MCM2: variants seen among roughly 807,000 people sequenced by gnomAD.
MCM2 encodes the protein minichromosome maintenance complex component 2.
In MCM2, 49 loss-of-function variants were observed where a neutral mutation model predicts 86.4. The observed-to-expected ratio is 0.57, with a 90% CI of 0.45 to 0.72. The LOEUF (loss-of-function observed/expected upper bound fraction) is 0.72, where lower values mean the gene tolerates loss of function less well. Among genes scored for constraint, MCM2 ranks in the 30% least tolerant of loss-of-function variants. The pLI is 0.00. For synonymous variants in MCM2, 475 were observed against 484.6 expected, an observed-to-expected ratio of 0.98 and a Z score of 0.26; for missense variants, 1,038 against 1,259.9, an observed-to-expected ratio of 0.82 and a Z score of 2.67.
Position 127,606,062 on chromosome 3 carries a change from A to G in MCM2, c.674-56A>G. 2 of 1,395,356 alleles carry G rather than the reference A, an allele frequency of 1.4e-6. No individual in the cohort carries two copies. Among genetic ancestry groups the G allele is most frequent in the Non-Finnish European group, 2.0e-6 (2 of 985,178 alleles). 86.4% of individuals were successfully genotyped at this position (1,395,356 alleles called of 1,614,324 possible). A position where few individuals can be genotyped will look rare whatever the true frequency, so the allele number is the denominator to read the frequency against. ...TTGCTTCTCACACAGGCATTGTTGC[A>G]GCCCAGCCCAGGCCTCATGCTTAGT... is the stretch of plus-strand genomic sequence containing the variant. On this transcript the variant is annotated intron_variant, in intron 4 of 15. Coordinates refer to ENST00000265056, the MANE Select transcript of MCM2 (RefSeq NM_004526.4). The surrounding 1 kb of genome is among the most constrained non-coding windows in gnomAD (Gnocchi z 4.2).
At position 127,617,442 on chromosome 3, in the gene MCM2, G is replaced by T. The variant is rs768228513; in HGVS notation, c.1900+37G>T. ...ACCCTGACTGCTGGGGCTGGGGTGG[G>T]ACACAGGGAGGTCCCGCCTGCTTGA... On this transcript the variant is annotated intron_variant, in intron 11 of 15. Transcript: ENST00000265056. This position sits in a 1 kb window ranked among gnomAD's most constrained non-coding sequence, Gnocchi z 4.1. 6.3e-7 allele frequency: 1 copy of T among 1,597,972 alleles called. No individual in the cohort carries two copies. Among genetic ancestry groups the T allele is most frequent in the Non-Finnish European group, 8.5e-7 (1 of 1,172,878 alleles).
At chr3:127,603,700 C>G (rs559779233) in intron 2 of MCM2, among the ~76,000 whole-genome samples, 4 of 148,700 alleles carry the variant, frequency 2.7e-5, no homozygotes, top group African/African-American at 2.5e-5. Context: ...CACTCTGTTG[C>G]GACCAGGCTG....
chr3:127,599,141 C>T, intron 1 of MCM2, 177 bp from the exon 2 acceptor site: 1 of 655,322 alleles, frequency 1.5e-6, no homozygotes, highest in South Asian at 1.8e-5. Flanking sequence ...CAGCTGAGAG[C>T]ATTCCAGGTG....
At chr3:127,604,476 G>C in intron 2 of MCM2, 132 bp from the exon 3 acceptor site, 1 of 829,434 alleles carries the variant, frequency 1.2e-6, no homozygotes, top group East Asian at 2.4e-5. Context: ...CTGTGTTTCT[G>C]ACCTGGAAGC....
intron 1 of MCM2, 55 bp downstream of exon 1, chr3:127,598,527 C>A (rs1283939838): frequency 1.3e-6 from 2 of 1,597,472 alleles, no homozygotes; most frequent in Admixed American, 1.7e-5. Context: ...GCGGAGGCTG[C>A]GCGCTTCCCG....
At chr3:127,604,568 C>T in intron 2 of MCM2, 40 bp from the exon 3 acceptor site, 1 of 1,596,350 alleles carries the variant, frequency 6.3e-7, no homozygotes, top group South Asian at 1.1e-5. Context: ...TAGGGTTTTC[C>T]TTTTTGGCAG....
At chr3:127,601,900 G>A (rs2074308749) in intron 2 of MCM2, among the ~76,000 whole-genome samples, 1 of 152,146 alleles carries the variant, frequency 6.6e-6, no homozygotes, top group Non-Finnish European at 1.5e-5. Flanking sequence ...CATTCCTGAT[G>A]GCTAATGATG....
At position 127,615,856 on chromosome 3, in the gene MCM2, T is replaced by C. The variant is rs770121243; in HGVS notation, c.1429-6T>C. The stretch of plus-strand genomic sequence containing the variant: ...CCATTCTTGTCGGTCTCCCTCCCTT[T>C]CTCAGATCTTTGCCAGCATTGCTCC... On this transcript the variant is annotated splice_polypyrimidine_tract_variant and splice_region_variant and intron_variant, in intron 8 of 15. Transcript: ENST00000265056. The C allele has an allele frequency of 6.2e-7, 1 of 1,608,880 alleles. No individual in the cohort carries two copies. The highest frequency in any genetic ancestry group is 8.5e-7 in the Non-Finnish European group (1 of 1,175,306).
Position 127,620,681 on chromosome 3 carries a change from A to C in MCM2, c.2266-17A>C. On this transcript the variant is annotated splice_polypyrimidine_tract_variant and intron_variant, in intron 13 of 15. Transcript: ENST00000265056. ...CTTTCCTGCCCGTGAAAGACCTGAC[A>C]CTGTGCTTCTCTCCAGGCGACAGGC... is the stretch of plus-strand genomic sequence containing the variant. 6.4e-7 allele frequency: 1 copy of C among 1,571,716 alleles called. No homozygotes were observed. The highest frequency in any genetic ancestry group is 8.7e-7 in the Non-Finnish European group (1 of 1,153,576).
At chr3:127,610,544 C>T (rs901932930) in intron 8 of MCM2, among the ~76,000 whole-genome samples, 1 of 152,206 alleles carries the variant, frequency 6.6e-6, no homozygotes, top group Non-Finnish European at 1.5e-5. Context: ...TCACATTTAC[C>T]CATGTCTGCC....
chr3:127,613,289 T>C (rs2074412295), intron 8 of MCM2, among the ~76,000 whole-genome samples: 1 of 152,174 alleles, frequency 6.6e-6, no homozygotes, highest in Admixed American at 6.5e-5. Flanking sequence ...GAGTCAAGGA[T>C]TGGCAGTCTT....
intron 8 of MCM2, among the ~76,000 whole-genome samples, chr3:127,609,747 C>T (rs1360896821): frequency 1.3e-5 from 2 of 151,930 alleles, no homozygotes; most frequent in Admixed American, 6.5e-5. Flanking sequence ...TCCCACATTA[C>T]CTCCATCCTG....
chr3:127,605,440 T>TC lies in MCM2; in HGVS notation c.673+284_673+285insC, dbSNP rs1421213126. On this transcript the variant is annotated intron_variant, in intron 4 of 15. Coordinates refer to ENST00000265056, the MANE Select transcript of MCM2 (RefSeq NM_004526.4). ...TTTGTAATAGGAATTGACTCTTTTT[T>TC]TTTTTTTTTTTTTTTTTGAGACGGA... Among the ~76,000 whole-genome samples, 1,050 of 149,516 alleles carry TC rather than the reference T, an allele frequency of 7.0e-3. 12 individuals are homozygous for TC. Among genetic ancestry groups the TC allele is most frequent in the African/African-American group, 0.023 (922 of 40,520 alleles).
rs1334814670 is a variant in MCM2, at chr3:127,608,519, A to G, written c.1236+3A>G. Reference sequence around the variant, plus strand: ...GCTGCAAGCCAGGAGACGAGATAGTAAGTGGCCGGGGCAGGCTGGGAGGGA... The same window carrying G: ...GCTGCAAGCCAGGAGACGAGATAGTGAGTGGCCGGGGCAGGCTGGGAGGGA... On this transcript the variant is annotated splice_donor_region_variant and intron_variant, in intron 7 of 15. Transcript: ENST00000265056. 2 of 1,614,112 alleles carry G rather than the reference A, an allele frequency of 1.2e-6. No individual in the cohort carries two copies. Among genetic ancestry groups the G allele is most frequent in the Non-Finnish European group, 1.7e-6 (2 of 1,180,008 alleles).
Position 127,621,693 on chromosome 3 carries a change from G to A in MCM2, c.2635G>A (p.Ala879Thr), listed in dbSNP as rs1576422039. Reference protein sequence around the residue: ...ARQINIHNLSAFYDSELFRMN... With the variant: ...ARQINIHNLSTFYDSELFRMN... ...TCAGATCAACATCCACAACCTCTCT[G>A]CATTTTATGACAGTGAGCTCTTCAG... The change falls in exon 16 of 16, where the codon GCA (alanine) becomes ACA (threonine). Residue 879 changes from alanine to threonine, a missense_variant. This residue lies in a region of MCM2 where 336 missense variants were observed against 425.7 expected (regional missense o/e 0.79). Transcript: ENST00000265056. The A allele has an allele frequency of 1.9e-6, 3 of 1,614,030 alleles. No individual in the cohort carries two copies. The South Asian group carries it at 3.3e-5, about 18-fold the overall frequency.
chr3:127,620,870 G>A lies in MCM2; in HGVS notation c.2438G>A (p.Ser813Asn), dbSNP rs1172797486. 5.0e-6 allele frequency: 8 copies of A among 1,606,424 alleles called. No homozygotes were observed. Among genetic ancestry groups the A allele is most frequent in the Non-Finnish European group, 6.8e-6 (8 of 1,174,962 alleles). The change falls in exon 14 of 16, where the codon AGC (serine) becomes AAC (asparagine). Residue 813 changes from serine (S) to asparagine (N), a missense_variant. Physicochemically the swap from Ser to Asn is conservative, Grantham distance 46. Transcript: ENST00000265056. Reference protein sequence around the residue: ...IDTQKFSVMRSMRKTFARYLS... With the variant: ...IDTQKFSVMRNMRKTFARYLS... ...ACACAGAAGTTCAGCGTCATGCGCAGCATGCGCAAGGTGGGTGTGCTCCGA... is the reference window on the plus strand; with the variant it reads ...ACACAGAAGTTCAGCGTCATGCGCAACATGCGCAAGGTGGGTGTGCTCCGA...
In MCM2 at chr3:127,616,859, C is replaced by T; in HGVS notation, c.1523-9C>T. 6.2e-7 allele frequency: 1 copy of T among 1,607,812 alleles called. No homozygotes were observed. The highest frequency in any genetic ancestry group is 8.5e-7 in the Non-Finnish European group (1 of 1,174,950). On this transcript the variant is annotated splice_polypyrimidine_tract_variant and intron_variant, in intron 9 of 15. Coordinates refer to ENST00000265056, the MANE Select transcript of MCM2 (RefSeq NM_004526.4). ...CTCCCCCTCCCCCGCTTCTACTCAT[C>T]CCCTCCAGGTGGCAAGCACAAGGTA...
intron 8 of MCM2, among the ~76,000 whole-genome samples, chr3:127,609,837 C>CTTTTTTTTT (rs10716532): frequency 1.4e-5 from 1 of 69,086 alleles, no homozygotes; most frequent in African/African-American, 5.4e-5. Flanking sequence ...AGTCAACTTC[C>CTTTTTTTTT]TTTTTTTTTT....
intron 4 of MCM2, among the ~76,000 whole-genome samples, chr3:127,605,837 A>T (rs111578721): frequency 6.6e-6 from 1 of 152,220 alleles, no homozygotes; most frequent in African/African-American, 2.4e-5. Context: ...TGGCTCTTGT[A>T]AGGCGTTTCA....
Sources: gnomAD v4.1 joint callset for allele counts (sites outside exome capture counted in the v4.1 genomes callset) on GRCh38, gnomAD v4.1.1 for gene constraint, gnomAD v4.1.1 regional missense constraint, Gnocchi (gnomAD v3.1) non-coding constraint, MANE v1.5 for transcripts, NCBI Gene and HGNC (gene_info 2026-07-23, HGNC 2026-07-21) for gene names.